The following CNTNAP5 variants were observed in gnomAD, a reference collection of about 807,000 sequenced individuals.
CNTNAP5 encodes the protein contactin-associated protein-like 5.
Under a neutral mutation model 150.2 loss-of-function variants are expected in CNTNAP5, and 72 were observed. The ratio of observed to expected loss-of-function variants is 0.48; its 90% CI spans 0.40 to 0.58. The LOEUF (loss-of-function observed/expected upper bound fraction) is 0.58. Ranked by LOEUF, CNTNAP5 falls within the 20% of genes least tolerant of loss-of-function variation. The probability of loss-of-function intolerance (pLI) is 0.00; values close to 1 mark genes in which losing one functional copy is unlikely to be tolerated. For missense variants in CNTNAP5, 1,636 were observed against 1,626.2 expected (o/e 1.01, Z -0.10); for synonymous variants, 672 against 619.8 (o/e 1.08, Z -1.25).
intron 14 of CNTNAP5, among the ~76,000 whole-genome samples, chr2:124,756,141 A>G (rs760917593): frequency 3.9e-4 from 59 of 152,328 alleles, no homozygotes; most frequent in Non-Finnish European, 6.9e-4. Flanking sequence ...ATAAAAGGCA[A>G]CATTGATTTA....
chr2:124,439,002 T>G (rs1284408838), intron 5 of CNTNAP5, among the ~76,000 whole-genome samples: 2 of 151,960 alleles, frequency 1.3e-5, no homozygotes, highest in African/African-American at 2.4e-5. Flanking sequence ...ACCCCAATTC[T>G]CTGACATTAA....
At chr2:124,170,746 T>A (rs1344944187) in intron 1 of CNTNAP5, among the ~76,000 whole-genome samples, 3 of 151,384 alleles carry the variant, frequency 2.0e-5, no homozygotes, top group African/African-American at 7.3e-5. Context: ...CTGTGGGTAG[T>A]AGAAAAATGA....
rs748611377 is a variant in CNTNAP5, at chr2:124,606,003, T to A, written c.1757-3798T>A. On this transcript the variant is annotated intron_variant, in intron 11 of 23. Coordinates refer to ENST00000682447, the MANE Select transcript of CNTNAP5 (RefSeq NM_001367498.1). ...CTCTCTCTCCATAGTTATCCTCTTA[T>A]GTTAATTCTTACCTGAACATTTTGG... is the stretch of plus-strand genomic sequence containing the variant. Among the ~76,000 whole-genome samples the A allele has an allele frequency of 1.1e-4, 16 of 152,262 alleles. 1 individual carries two copies. In the South Asian group the frequency reaches 3.3e-3, roughly 32 times the overall value.
intron 7 of CNTNAP5, among the ~76,000 whole-genome samples, chr2:124,488,818 C>A (rs1241818338): frequency 2.6e-5 from 4 of 152,182 alleles, no homozygotes; most frequent in African/African-American, 7.2e-5. Context: ...GAAGGCTGAG[C>A]CTCTCTGTAC....
At chr2:124,318,763 T>TCTCCTTCCCC (rs1438859458) in intron 3 of CNTNAP5, among the ~76,000 whole-genome samples, 4 of 151,712 alleles carry the variant, frequency 2.6e-5, no homozygotes, top group Admixed American at 6.6e-5. Flanking sequence ...AACCCCAAAA[T>TCTCCTTCCCC]CTCCTTCCCC....
chr2:124,454,880 G>C (rs1367262698), intron 6 of CNTNAP5, among the ~76,000 whole-genome samples: 1 of 151,770 alleles, frequency 6.6e-6, no homozygotes, highest in Non-Finnish European at 1.5e-5. Context: ...AAAACCTCTG[G>C]GATACAGCGA....
intron 7 of CNTNAP5, among the ~76,000 whole-genome samples, chr2:124,491,712 G>A (rs1694032249): frequency 1.3e-5 from 2 of 151,486 alleles, no homozygotes; most frequent in Non-Finnish European, 2.9e-5. Flanking sequence ...TACCAATTGT[G>A]TACAAGCCTT....
At chr2:124,878,609 A>G (rs1232711443) in intron 21 of CNTNAP5, among the ~76,000 whole-genome samples, 1 of 152,132 alleles carries the variant, frequency 6.6e-6, no homozygotes, top group Non-Finnish European at 1.5e-5. Flanking sequence ...TGGATAAGGC[A>G]AGGTGTTAAC....
At chr2:124,530,277 T>A (rs1695075007) in intron 10 of CNTNAP5, among the ~76,000 whole-genome samples, 1 of 152,026 alleles carries the variant, frequency 6.6e-6, no homozygotes, top group Non-Finnish European at 1.5e-5. Context: ...ACCTCTACAC[T>A]CCAGCCTGGG....
chr2:124,125,448 C>T (rs1032860980), intron 1 of CNTNAP5, among the ~76,000 whole-genome samples: 7 of 152,146 alleles, frequency 4.6e-5, no homozygotes, highest in African/African-American at 1.7e-4. Flanking sequence ...ACTTAGACTC[C>T]CATGCAATAA....
At chr2:124,567,842 T>C (rs1359458756) in intron 11 of CNTNAP5, among the ~76,000 whole-genome samples, 1 of 105,444 alleles carries the variant, frequency 9.5e-6, no homozygotes, top group Non-Finnish European at 2.0e-5. Context: ...AGATGATAGA[T>C]AGATAGATAG....
intron 19 of CNTNAP5, among the ~76,000 whole-genome samples, chr2:124,809,537 T>C (rs1682159567): frequency 6.6e-6 from 1 of 151,720 alleles, no homozygotes; most frequent in Non-Finnish European, 1.5e-5. Context: ...CTCCTGCGTG[T>C]CTGGGAATAT....
chr2:124,365,998 G>C (rs747113627), intron 3 of CNTNAP5, among the ~76,000 whole-genome samples: 3 of 152,074 alleles, frequency 2.0e-5, no homozygotes, highest in Non-Finnish European at 4.4e-5. Flanking sequence ...TTATTCAATT[G>C]CTTGTTTATC....
chr2:124,554,533 A>G (rs992357098), intron 10 of CNTNAP5, among the ~76,000 whole-genome samples: 5 of 149,144 alleles, frequency 3.4e-5, no homozygotes, highest in African/African-American at 1.2e-4. Flanking sequence ...CAATCCTCCC[A>G]CTTCAGCTTC....
rs142431387 is a variant in CNTNAP5, at chr2:124,419,844, G to T, written c.529+2254G>T. Among the ~76,000 whole-genome samples the T allele has an allele frequency of 1.7e-3, 258 of 151,950 alleles. 3 individuals are homozygous for T. Among genetic ancestry groups the T allele is most frequent in the African/African-American group, 6.0e-3 (248 of 41,470 alleles). ...AAACCAATGGGTTAGCATGCCTTCT[G>T]AACCTAATTCTCCCTTTCAGCATTA... is the stretch of plus-strand genomic sequence containing the variant. On this transcript the variant is annotated intron_variant, in intron 4 of 23. Coordinates refer to ENST00000682447, the MANE Select transcript of CNTNAP5 (RefSeq NM_001367498.1).
intron 3 of CNTNAP5, among the ~76,000 whole-genome samples, chr2:124,294,914 T>C (rs879357165): frequency 2.0e-5 from 3 of 152,164 alleles, no homozygotes; most frequent in Non-Finnish European, 4.4e-5. Flanking sequence ...GAAAACAGCC[T>C]GACCAACTTG....
At chr2:124,036,555 A>G (rs942768605) in intron 1 of CNTNAP5, among the ~76,000 whole-genome samples, 1 of 152,092 alleles carries the variant, frequency 6.6e-6, no homozygotes, top group African/African-American at 2.4e-5. Context: ...CCAGGATATT[A>G]AAAGATTAAT....
chr2:124,398,654 G>A (rs958012083), intron 3 of CNTNAP5, among the ~76,000 whole-genome samples: 3 of 151,998 alleles, frequency 2.0e-5, no homozygotes, highest in Non-Finnish European at 4.4e-5. Context: ...GTGCCACCAT[G>A]CCTGGCTAGT....
At chr2:124,725,237 T>G (rs563027710) in intron 13 of CNTNAP5, among the ~76,000 whole-genome samples, 3 of 152,220 alleles carry the variant, frequency 2.0e-5, no homozygotes, top group Admixed American at 2.0e-4. Context: ...TATTTTTTGT[T>G]TTTACTAGGA....
Sources: allele counts gnomAD v4.1 joint callset (sites outside exome capture counted in the v4.1 genomes callset), GRCh38; gene constraint gnomAD v4.1.1; transcripts MANE v1.5; gene names NCBI Gene and HGNC (gene_info 2026-07-23, HGNC 2026-07-21).